AEBP1: variants seen among roughly 807,000 people sequenced by gnomAD.
AEBP1 encodes AE binding protein 1.
AEBP1 carries 69 observed loss-of-function variants against 116.5 expected under a neutral mutation model. The observed-to-expected ratio is 0.59, with a 90% CI of 0.49 to 0.72. The LOEUF (loss-of-function observed/expected upper bound fraction) is 0.72, where lower values mean the gene tolerates loss of function less well. AEBP1 is among the 30% of genes least tolerant of loss of function. AEBP1 has a pLI of 0.00. For synonymous variants in AEBP1, 627 were observed against 627.3 expected (o/e 1.00, Z 0.01); for missense variants, 1,444 against 1,557.5 (o/e 0.93, Z 1.23).
In AEBP1 at chr7:44,109,202, G is replaced by C; in HGVS notation, c.1096+18G>C. On this transcript the variant is annotated intron_variant, in intron 8 of 20. Coordinates refer to ENST00000223357, the MANE Select transcript of AEBP1 (RefSeq NM_001129.5). Reference sequence around the variant, plus strand: ...CCACAAAGGTGTGTGGCTGGGGCTTGGGGCCTGGGTCCCTGTGGGGCAGCA... The same window carrying C: ...CCACAAAGGTGTGTGGCTGGGGCTTCGGGCCTGGGTCCCTGTGGGGCAGCA... 6.2e-7 allele frequency: 1 copy of C among 1,613,382 alleles called. No individual in the cohort carries two copies. The highest frequency in any genetic ancestry group is 8.5e-7 in the Non-Finnish European group (1 of 1,179,848).
chr7:44,113,935 C>T lies in AEBP1; in HGVS notation c.3151C>T (p.Pro1051Ser). The change falls in exon 21 of 21, where the codon CCC becomes TCC. Residue 1051 changes from proline (P) to serine (S), a missense_variant. Pro to Ser is a moderately conservative substitution (Grantham distance 74). Coordinates refer to ENST00000223357, the MANE Select transcript of AEBP1 (RefSeq NM_001129.5). This position sits in a 1 kb window ranked among gnomAD's most constrained non-coding sequence, Gnocchi z 5.3. ...TTTLGPHTVP[P>S]TLPPAPATTL... ...CACCCTAGGCCCCCACACTGTGCCT[C>T]CCACGCTGCCCCCTGCCCCTGCCAC... The T allele has an allele frequency of 7.4e-6, 12 of 1,613,468 alleles. No homozygotes were observed. Among genetic ancestry groups the T allele is most frequent in the Non-Finnish European group, 1.0e-5 (12 of 1,179,834 alleles).
rs1250161569 is a variant in AEBP1 at position 44,110,823 on chromosome 7, C to T, written c.1485+14C>T. ...TATGAGGAAATGGTGGGCACCATGC[C>T]CAGGCTCTTGGCTCTGCTCCCATTG... On this transcript the variant is annotated intron_variant, in intron 12 of 20. Coordinates refer to ENST00000223357, the MANE Select transcript of AEBP1 (RefSeq NM_001129.5). 1 of 1,586,628 alleles carries T rather than the reference C, an allele frequency of 6.3e-7. No homozygotes were observed. Among genetic ancestry groups the T allele is most frequent in the African/African-American group, 1.3e-5 (1 of 74,124 alleles).
Position 44,106,784 on chromosome 7 carries a change from C to G in AEBP1, c.492C>G (p.Pro164=). ...KEKPPKATKK[P]PSGKRPPILA... is the part of the protein sequence containing the mutation. ...AGCCACCCAAGGCCACCAAGAAGCC[C>G]CCGTCAGGGAAGAGGCCCCCCATTC... The change falls in exon 2 of 21, where the codon CCC becomes CCG. Residue 164 remains proline, a synonymous_variant. Coordinates refer to ENST00000223357, the MANE Select transcript of AEBP1 (RefSeq NM_001129.5). 1 of 1,612,234 alleles carries G rather than the reference C, an allele frequency of 6.2e-7. No homozygotes were observed. Among genetic ancestry groups the G allele is most frequent in the Non-Finnish European group, 8.5e-7 (1 of 1,179,488 alleles).
Position 44,112,680 on chromosome 7 carries a change from C to T in AEBP1, c.2340C>T (p.Thr780=). 3.1e-6 allele frequency: 5 copies of T among 1,613,214 alleles called. No homozygotes were observed. Among genetic ancestry groups the T allele is most frequent in the Non-Finnish European group, 3.4e-6 (4 of 1,179,990 alleles). The change falls in exon 18 of 21, where the codon ACC becomes ACT. Residue 780 remains threonine (T), a synonymous_variant. Coordinates refer to ENST00000223357, the MANE Select transcript of AEBP1 (RefSeq NM_001129.5). The surrounding 1 kb of genome is among the most constrained non-coding windows in gnomAD (Gnocchi z 6.6). ...CCTACGATATGGCCCGCACGCCTACCCAGGAGCAGCTGCTGGCCGCAGCCA... is the reference window on the plus strand; with the variant it reads ...CCTACGATATGGCCCGCACGCCTACTCAGGAGCAGCTGCTGGCCGCAGCCA... ...SYPYDMARTP[T]QEQLLAAAMA...
chr7:44,112,006 G>A lies in AEBP1; in HGVS notation c.1993G>A (p.Val665Met). The A allele has an allele frequency of 1.2e-6, 2 of 1,613,788 alleles. No homozygotes were observed. The highest frequency in any genetic ancestry group is 1.7e-6 in the Non-Finnish European group (2 of 1,179,996). The part of the protein sequence containing the change: ...SLVQDTRIHL[V>M]PSLNPDGYEV... ...GGTGCAGGACACACGCATCCACCTG[G>A]TGCCCTCACTGAACCCTGATGGCTA... The change falls in exon 16 of 21, where the codon GTG (valine) becomes ATG (methionine). Residue 665 changes from valine (V) to methionine (M), a missense_variant. Physicochemically the swap from Val to Met is conservative, Grantham distance 21. Transcript: ENST00000223357. The surrounding 1 kb of genome is among the most constrained non-coding windows in gnomAD (Gnocchi z 6.6).
Position 44,112,253 on chromosome 7 carries a change from T to C in AEBP1, c.2149T>C (p.Trp717Arg). The C allele has an allele frequency of 6.2e-7, 1 of 1,604,798 alleles. No homozygotes were observed. Residue 717 changes from tryptophan to arginine, a missense_variant, in exon 17 of 21, where the codon TGG becomes CGG. By Grantham distance (101) the Trp-to-Arg change is moderately radical (BLOSUM62 -3). Transcript: ENST00000223357. This position sits in a 1 kb window ranked among gnomAD's most constrained non-coding sequence, Gnocchi z 6.6. ...GCTCTGGGGAGCTGAGGAGAGGAAATGGGTCCCCTACCGGGTCCCCAACAA... is the reference window on the plus strand; with the variant it reads ...GCTCTGGGGAGCTGAGGAGAGGAAACGGGTCCCCTACCGGGTCCCCAACAA... ...SVLWGAEERK[W>R]VPYRVPNNNL...
chr7:44,112,942 C>T lies in AEBP1; in HGVS notation c.2569+33C>T, dbSNP rs368274153. On this transcript the variant is annotated intron_variant, in intron 18 of 20. Transcript: ENST00000223357. The surrounding 1 kb of genome is among the most constrained non-coding windows in gnomAD (Gnocchi z 6.6). The stretch of plus-strand genomic sequence containing the variant: ...AGCCTGGGAGGGGCTGTGGGCGGGG[C>T]CTGGTCCGGAGAGGGGCTGACTTTG... 13 of 1,612,308 alleles carry T rather than the reference C, an allele frequency of 8.1e-6. 1 individual carries two copies. In the African/African-American group the frequency reaches 1.1e-4, roughly 13 times the overall value.
Position 44,114,048 on chromosome 7 carries a change from G to A in AEBP1, c.3264G>A (p.Glu1088=), listed in dbSNP as rs903920176. ...AGTCGGAGACTGAGACCTACACAGA[G>A]GTGGTGACAGAGTTTGGGACCGAGG... ...WEESETETYT[E]VVTEFGTEVE... is the part of the protein sequence containing the mutation. Residue 1088 remains glutamate (E), a synonymous_variant, in exon 21 of 21, where the codon GAG becomes GAA. Transcript: ENST00000223357. The A allele has an allele frequency of 2.5e-6, 4 of 1,614,100 alleles. No individual in the cohort carries two copies. In the African/African-American group the frequency reaches 5.3e-5, roughly 22 times the overall value.
At position 44,112,696 on chromosome 7, in the gene AEBP1, G is replaced by C; in HGVS notation, c.2356G>C (p.Ala786Pro). ...CACGCCTACCCAGGAGCAGCTGCTG[G>C]CCGCAGCCATGGCAGCAGCCCGGGG... ...ARTPTQEQLL[A>P]AAMAAARGED... The change falls in exon 18 of 21, where the codon GCC becomes CCC. Residue 786 changes from alanine (A) to proline (P), a missense_variant. Ala to Pro is a conservative substitution (Grantham distance 27). Transcript: ENST00000223357. The surrounding 1 kb of genome is among the most constrained non-coding windows in gnomAD (Gnocchi z 6.6). The C allele has an allele frequency of 6.2e-7, 1 of 1,613,250 alleles. No homozygotes were observed. Among genetic ancestry groups the C allele is most frequent in the Non-Finnish European group, 8.5e-7 (1 of 1,179,980 alleles).
Position 44,109,452 on chromosome 7 carries a change from A to AC in AEBP1, c.1150+112dup, listed in dbSNP as rs1562686212. On this transcript the variant is annotated intron_variant, in intron 9 of 20. Coordinates refer to ENST00000223357, the MANE Select transcript of AEBP1 (RefSeq NM_001129.5). ...ACCCAGGTCCCCGGAACCCTTTCCT[A>AC]CTCAGATTCTTGGGACCCAGAAGGG... 7 of 1,263,396 alleles carry AC rather than the reference A, an allele frequency of 5.5e-6. No homozygotes were observed. In the African/African-American group the frequency reaches 1.1e-4, roughly 19 times the overall value. The allele number at this position is 1,263,396 out of a possible 1,614,324, so 78.3% of individuals were successfully genotyped here.
In AEBP1 at chr7:44,111,770, C is replaced by A; in HGVS notation, c.1841-84C>A. 1 of 1,531,372 alleles carries A rather than the reference C, an allele frequency of 6.5e-7. No individual in the cohort carries two copies. The highest frequency in any genetic ancestry group is 8.8e-7 in the Non-Finnish European group (1 of 1,133,326). The allele number at this position is 1,531,372 out of a possible 1,614,324, so 94.9% of individuals were successfully genotyped here. ...GAGCCCCAGCTGTCCCCCAGACCCT[C>A]GGGTATGAGGTGGGTCTGGGTCCTT... is the stretch of plus-strand genomic sequence containing the variant. On this transcript the variant is annotated intron_variant, in intron 15 of 20. Transcript: ENST00000223357. The surrounding 1 kb of genome is among the most constrained non-coding windows in gnomAD (Gnocchi z 4.7).
chr7:44,109,079 C>A, intron 7 of AEBP1, 28 bp from the exon 8 acceptor site: 2 of 1,613,182 alleles, frequency 1.2e-6, no homozygotes, highest in Non-Finnish European at 1.7e-6. Context: ...GCCAGGCTGA[C>A]TGGCCCCTCC....
chr7:44,110,847 TGTCTGGGCGAGG>T, intron 12 of AEBP1, 38 bp downstream of exon 12: 1 of 1,609,394 alleles, frequency 6.2e-7, no homozygotes, highest in Middle Eastern at 1.7e-4. Context: ...CTGCTCCCAT[TGTCTGGGCGAGG>T]GGTGGGCTCT....
In AEBP1 at chr7:44,105,003, C is replaced by A. The variant is rs368197210; in HGVS notation, c.253+85C>A. ...GATTCGGTAGGGTCTGGCCACTCCCCAGTCTGCTAGGGGAGGAATGGCTGG... is the reference window on the plus strand; with the variant it reads ...GATTCGGTAGGGTCTGGCCACTCCCAAGTCTGCTAGGGGAGGAATGGCTGG... On this transcript the variant is annotated intron_variant, in intron 1 of 20. Transcript: ENST00000223357. 732 of 1,149,806 alleles carry A rather than the reference C, an allele frequency of 6.4e-4. 5 individuals are homozygous for A. In the African/African-American group the frequency reaches 9.3e-3, roughly 15 times the overall value. The allele number at this position is 1,149,806 out of a possible 1,614,324, so 71.2% of individuals were successfully genotyped here. A position where few individuals can be genotyped will look rare whatever the true frequency, so the allele number is the denominator to read the frequency against.
chr7:44,112,535 C>A lies in AEBP1; in HGVS notation c.2218-23C>A. ...TAGTGGCCGGAGCTGCAGCCCTGGC[C>A]TCACACGTGCTGGCCACTCCAGGTA... is the stretch of plus-strand genomic sequence containing the variant. On this transcript the variant is annotated intron_variant, in intron 17 of 20. Coordinates refer to ENST00000223357, the MANE Select transcript of AEBP1 (RefSeq NM_001129.5). The surrounding 1 kb of genome is among the most constrained non-coding windows in gnomAD (Gnocchi z 6.6). 2 of 1,554,532 alleles carry A rather than the reference C, an allele frequency of 1.3e-6. No homozygotes were observed. The highest frequency in any genetic ancestry group is 2.4e-5 in the South Asian group (2 of 82,452).
At chr7:44,106,057 A>T (rs1034739293) in intron 1 of AEBP1, 1 of 391,644 alleles carries the variant, frequency 2.6e-6, no homozygotes, top group African/African-American at 2.1e-5. Flanking sequence ...TCAATACTCA[A>T]CCAAGTGTCC....
Position 44,113,288 on chromosome 7 carries a change from C to A in AEBP1, c.2746C>A (p.Gln916Lys). ...CATTAAGGGGGTGGTGACGGACGAG[C>A]AAGGCATCCCCATTGCCAACGCCAC... ...RGIKGVVTDEQGIPIANATIS... is the reference protein window; with the variant it reads ...RGIKGVVTDEKGIPIANATIS... Residue 916 changes from glutamine (Q) to lysine (K), a missense_variant, in exon 20 of 21, where the codon CAA becomes AAA. Gln to Lys is a moderately conservative substitution (Grantham distance 53). Coordinates refer to ENST00000223357, the MANE Select transcript of AEBP1 (RefSeq NM_001129.5). This position sits in a 1 kb window ranked among gnomAD's most constrained non-coding sequence, Gnocchi z 5.3. 1 of 1,613,748 alleles carries A rather than the reference C, an allele frequency of 6.2e-7. No individual in the cohort carries two copies. The highest frequency in any genetic ancestry group is 8.5e-7 in the Non-Finnish European group (1 of 1,179,910).
Position 44,106,837 on chromosome 7 carries a change from CA to C in AEBP1, c.546del (p.Leu183CysfsTer109). 6.2e-7 allele frequency: 1 copy of C among 1,606,044 alleles called. No homozygotes were observed. The highest frequency in any genetic ancestry group is 8.5e-7 in the Non-Finnish European group (1 of 1,177,026). ...GCTCCCTCAGAAACCCTGGAGTGGC[CA>C]CTGCCCCCACCCCCCAGCCCTGGCC... ...ILAPSETLEW[P>X]LPPPPSPGPE... On this transcript the variant is annotated frameshift_variant, in exon 2 of 21. Transcript: ENST00000223357. LOFTEE classifies it high-confidence loss of function.
In AEBP1 at chr7:44,109,338, G is replaced by T; in HGVS notation, c.1147G>T (p.Val383Phe). The change falls in exon 9 of 21, where the codon GTC becomes TTC. Residue 383 changes from valine to phenylalanine, a missense_variant. Coordinates refer to ENST00000223357, the MANE Select transcript of AEBP1 (RefSeq NM_001129.5). ...LEEEWTPTEK[V>F]KCPPIGMESH... is the part of the protein sequence containing the mutation. The stretch of plus-strand genomic sequence containing the variant: ...GGAGGAGTGGACGCCTACGGAGAAA[G>T]TCAGTAAGTGGGGGGCACAAGGGGG... 6.4e-7 allele frequency: 1 copy of T among 1,557,634 alleles called. No individual in the cohort carries two copies. The highest frequency in any genetic ancestry group is 1.1e-5 in the South Asian group (1 of 87,626).
Sources: allele counts gnomAD v4.1 joint callset, GRCh38; gene constraint gnomAD v4.1.1; non-coding constraint Gnocchi (gnomAD v3.1); transcripts MANE v1.5; gene names NCBI Gene and HGNC (gene_info 2026-07-23, HGNC 2026-07-21).